The following PLCB1 variants were observed in gnomAD, a reference collection of about 807,000 sequenced individuals.
PLCB1 encodes the protein phospholipase C beta 1.
Under a neutral mutation model 161.8 loss-of-function variants are expected in PLCB1, and 46 were observed. The observed-to-expected ratio is 0.28, with a 90% confidence interval of 0.22 to 0.36. The LOEUF is 0.36. Ranked by LOEUF, PLCB1 falls within the 10% of genes least tolerant of loss-of-function variation. The pLI, the probability that PLCB1 is intolerant of heterozygous loss-of-function variation, is 1.00. For synonymous variants in PLCB1, 517 were observed against 503.7 expected, an observed-to-expected ratio of 1.03 and a Z score of -0.35; for missense variants, 1,016 against 1,472.5, an observed-to-expected ratio of 0.69 and a Z score of 5.07.
intron 3 of PLCB1, among the ~76,000 whole-genome samples, chr20:8,499,998 A>G (rs1280437699): frequency 2.0e-5 from 3 of 152,204 alleles, no homozygotes; most frequent in African/African-American, 7.2e-5. Flanking sequence ...AACAAAAGTC[A>G]TGATGTAAGG....
intron 3 of PLCB1, among the ~76,000 whole-genome samples, chr20:8,522,020 G>A (rs1281265847): frequency 6.6e-6 from 1 of 152,172 alleles, no homozygotes; most frequent in African/African-American, 2.4e-5. Flanking sequence ...ACTAAAGCTG[G>A]AAGCTAAAAA....
intron 4 of PLCB1, among the ~76,000 whole-genome samples, chr20:8,637,600 A>G (rs1234474184): frequency 6.6e-6 from 1 of 152,264 alleles, no homozygotes; most frequent in Non-Finnish European, 1.5e-5. Context: ...TTATCCAAAT[A>G]TAAACCATGC....
chr20:8,619,973 A>G (rs916436489), intron 3 of PLCB1, among the ~76,000 whole-genome samples: 7 of 152,078 alleles, frequency 4.6e-5, no homozygotes, highest in Non-Finnish European at 5.9e-5. Context: ...ATTGTGTTTC[A>G]TTTTCATTTG....
chr20:8,768,188 C>CA (rs1315497663), intron 26 of PLCB1, among the ~76,000 whole-genome samples: 9 of 151,910 alleles, frequency 5.9e-5, no homozygotes, highest in Non-Finnish European at 1.2e-4. Context: ...CAAAACAAAA[C>CA]AAAAAAACAA....
chr20:8,717,503 T>TA (rs1000610756), intron 13 of PLCB1, among the ~76,000 whole-genome samples, 168 bp from the exon 14 acceptor site: 6 of 151,666 alleles, frequency 4.0e-5, no homozygotes, highest in African/African-American at 7.3e-5. Context: ...ATCTTTGATA[T>TA]AAAAAAAAAT....
intron 25 of PLCB1, among the ~76,000 whole-genome samples, chr20:8,761,765 G>A (rs115310731): frequency 0.047 from 7,015 of 149,432 alleles, 356 homozygotes; most frequent in African/African-American, 0.13. Flanking sequence ...TGATCCACCC[G>A]CTATTTTTAG....
chr20:8,367,090 G>A (rs1986733773), intron 2 of PLCB1, among the ~76,000 whole-genome samples: 1 of 152,134 alleles, frequency 6.6e-6, no homozygotes, highest in Non-Finnish European at 1.5e-5. Flanking sequence ...AATAGCAGTC[G>A]ATGGCATTTG....
At chr20:8,518,148 C>T (rs1202362003) in intron 3 of PLCB1, among the ~76,000 whole-genome samples, 4 of 151,608 alleles carry the variant, frequency 2.6e-5, no homozygotes, top group Non-Finnish European at 5.9e-5. Flanking sequence ...CACCACTGCA[C>T]ACCAGCCTGG....
intron 3 of PLCB1, among the ~76,000 whole-genome samples, chr20:8,387,765 G>A (rs1987469243): frequency 6.6e-6 from 1 of 152,116 alleles, no homozygotes; most frequent in Non-Finnish European, 1.5e-5. Flanking sequence ...AATCCTTAGA[G>A]ATAGAAAGTT....
At chr20:8,194,805 A>G (rs547824005) in intron 2 of PLCB1, among the ~76,000 whole-genome samples, 2 of 152,200 alleles carry the variant, frequency 1.3e-5, no homozygotes, top group East Asian at 3.9e-4. Flanking sequence ...TCATTGTCTC[A>G]TTGCTGGAAG....
intron 3 of PLCB1, among the ~76,000 whole-genome samples, chr20:8,520,737 A>C (rs900873369): frequency 7.2e-5 from 11 of 152,296 alleles, no homozygotes; most frequent in African/African-American, 2.6e-4. Context: ...TTTCAACTTC[A>C]TATCAGTAGG....
chr20:8,202,043 T>C (rs2052097018), intron 2 of PLCB1, among the ~76,000 whole-genome samples: 2 of 152,136 alleles, frequency 1.3e-5, no homozygotes, highest in South Asian at 4.1e-4. Context: ...GAAGGCAGTA[T>C]AGTTATTTTA....
intron 3 of PLCB1, among the ~76,000 whole-genome samples, chr20:8,514,038 A>G (rs1352351154): frequency 6.6e-6 from 1 of 151,966 alleles, no homozygotes; most frequent in Non-Finnish European, 1.5e-5. Context: ...ATCAAAAAAG[A>G]AGAAGAAGAA....
chr20:8,515,437 A>C (rs1287919807), intron 3 of PLCB1, among the ~76,000 whole-genome samples: 2 of 152,186 alleles, frequency 1.3e-5, no homozygotes, highest in Non-Finnish European at 2.9e-5. Flanking sequence ...TATCACATAG[A>C]TGCTGTGAGC....
intron 3 of PLCB1, among the ~76,000 whole-genome samples, chr20:8,533,876 C>T (rs1410924406): frequency 1.3e-5 from 2 of 152,016 alleles, no homozygotes; most frequent in East Asian, 1.9e-4. Flanking sequence ...TAATTAGATC[C>T]GATTTGTCAA....
chr20:8,484,175 G>A (rs537784010), intron 3 of PLCB1, among the ~76,000 whole-genome samples: 20 of 151,162 alleles, frequency 1.3e-4, no homozygotes, highest in Non-Finnish European at 2.5e-4. Context: ...ATAGGCATGC[G>A]CCACCATGCC....
chr20:8,669,842 G>C (rs1989901553), intron 9 of PLCB1, among the ~76,000 whole-genome samples: 1 of 152,182 alleles, frequency 6.6e-6, no homozygotes, highest in South Asian at 2.1e-4. Context: ...TTCTGGGTCT[G>C]CATTTATGCT....
intron 19 of PLCB1, among the ~76,000 whole-genome samples, chr20:8,736,384 G>A (rs976650248): frequency 5.3e-5 from 8 of 152,080 alleles, no homozygotes; most frequent in South Asian, 2.1e-4. Context: ...TGAGATTAGG[G>A]GTAATGATAA....
At chr20:8,740,278 T>C (rs1325787166) in intron 21 of PLCB1, 66 bp from the exon 22 acceptor site, 1 of 805,462 alleles carries the variant, frequency 1.2e-6, no homozygotes, top group African/African-American at 1.8e-5. Flanking sequence ...ATCACATAGA[T>C]GCGCATAATT....
Sources: gnomAD v4.1 joint callset for allele counts (sites outside exome capture counted in the v4.1 genomes callset) on GRCh38, gnomAD v4.1.1 for gene constraint, MANE v1.5 for transcripts, NCBI Gene and HGNC (gene_info 2026-07-23, HGNC 2026-07-21) for gene names.